WRAP73: variants seen among roughly 807,000 people sequenced by gnomAD.
WRAP73 encodes the protein WD repeat-containing protein WRAP73.
WRAP73 carries 55 observed loss-of-function variants against 59.6 expected under a neutral mutation model. The ratio of observed to expected loss-of-function variants is 0.92; its 90% CI spans 0.74 to 1.15. WRAP73 has a LOEUF of 1.15. WRAP73 is among the 50% of genes most tolerant of loss of function. The pLI is 0.00. For missense variants in WRAP73, 592 were observed against 608.1 expected, an observed-to-expected ratio of 0.97 and a Z score of 0.28; for synonymous variants, 265 against 258.2, an observed-to-expected ratio of 1.03 and a Z score of -0.25.
intron 9 of WRAP73, chr1:3,633,169 G>T: frequency 2.0e-6 from 1 of 497,476 alleles, no homozygotes. Context: ...TGTCAGATCC[G>T]GGTCTCCAGG....
intron 8 of WRAP73, 106 bp downstream of exon 8, chr1:3,634,891 G>A (rs1644574359): frequency 7.6e-7 from 1 of 1,315,890 alleles, no homozygotes; most frequent in South Asian, 1.2e-5. Context: ...TGATGGAAGT[G>A]CCCGGTTAAA....
rs1391676741 is a variant in WRAP73, at chr1:3,646,256, G to C, written c.339+410C>G. 6.6e-6 allele frequency among the ~76,000 whole-genome samples: 1 copy of C among 152,166 alleles called. No homozygotes were observed. The highest frequency in any genetic ancestry group is 1.9e-4 in the East Asian group (1 of 5,184). On this transcript the variant is annotated intron_variant, in intron 3 of 11. Transcript: ENST00000270708. This position sits in a 1 kb window ranked among gnomAD's most constrained non-coding sequence, Gnocchi z 5.1. ...GCTCGCAATCTGGATACGCCAAAGA[G>C]AAGCCACAAAGTGCTTCCTTTAAAT...
At chr1:3,635,477 G>A in intron 6 of WRAP73, 183 bp from the exon 7 acceptor site, 1 of 782,418 alleles carries the variant, frequency 1.3e-6, no homozygotes, top group Non-Finnish European at 2.0e-6. Context: ...GGCAGTGAGA[G>A]CATGAGGAAA....
Position 3,631,584 on chromosome 1 carries a change from G to C in WRAP73, c.1122C>G (p.Ser374=), listed in dbSNP as rs114719682. ...LRLFAVLEQL[S]PVRAFQWDPQ... The stretch of plus-strand genomic sequence containing the variant: ...GGTCCCACTGAAATGCGCGCACTGG[G>C]GACAGCTGCTCGAGCACCGCGAACA... The change falls in exon 11 of 12, where the codon TCC becomes TCG. Residue 374 remains serine (S), a synonymous_variant. Transcript: ENST00000270708. The C allele has an allele frequency of 1.2e-6, 2 of 1,609,400 alleles. No homozygotes were observed. Among genetic ancestry groups the C allele is most frequent in the Admixed American group, 3.3e-5 (2 of 60,008 alleles).
In WRAP73 at chr1:3,646,681, G is replaced by T; in HGVS notation, c.324C>A (p.Asn108Lys). The T allele has an allele frequency of 1.9e-6, 3 of 1,602,882 alleles. No individual in the cohort carries two copies. Among genetic ancestry groups the T allele is most frequent in the Non-Finnish European group, 2.6e-6 (3 of 1,172,136 alleles). ...CWSPDGRHILNTTEFHLRITV... is the reference protein window; with the variant it reads ...CWSPDGRHILKTTEFHLRITV... ...TGACACTTACATGGAATTCCGTGGT[G>T]TTGAGAATGTGGCGCCCGTCCGGGC... Residue 108 changes from asparagine to lysine, a missense_variant, in exon 3 of 12, where the codon AAC becomes AAA. Asn to Lys is a moderately conservative substitution (Grantham distance 94). Transcript: ENST00000270708. The surrounding 1 kb of genome is among the most constrained non-coding windows in gnomAD (Gnocchi z 5.1).
chr1:3,648,040 G>T (rs1644707407), intron 1 of WRAP73, among the ~76,000 whole-genome samples: 1 of 152,226 alleles, frequency 6.6e-6, no homozygotes, highest in African/African-American at 2.4e-5. Flanking sequence ...TTCTTATGCA[G>T]TGCCGAACTC....
At position 3,630,884 on chromosome 1, in the gene WRAP73, CCA is replaced by C. The variant is rs1417992463; in HGVS notation, c.*89_*90del. The C allele has an allele frequency of 6.6e-7, 1 of 1,509,344 alleles. No individual in the cohort carries two copies. The highest frequency in any genetic ancestry group is 1.3e-5 in the South Asian group (1 of 77,726). The allele number at this position is 1,509,344 out of a possible 1,614,324, so 93.5% of individuals were successfully genotyped here. A position where few individuals can be genotyped will look rare whatever the true frequency, so the allele number is the denominator to read the frequency against. ...AGAATCAATCACTGAATCCAGACCA[CCA>C]CAGTGGAGAACCTCCTGGTGAAGCT... On this transcript the variant is annotated 3_prime_UTR_variant, in exon 12 of 12. Transcript: ENST00000270708.
At position 3,650,055 on chromosome 1, in the gene WRAP73, G is replaced by T. The variant is rs1436077478; in HGVS notation, c.-56C>A. The T allele has an allele frequency of 2.7e-6, 4 of 1,490,510 alleles. No individual in the cohort carries two copies. Among genetic ancestry groups the T allele is most frequent in the East Asian group, 5.3e-5 (2 of 37,874 alleles). The allele number at this position is 1,490,510 out of a possible 1,614,324, so 92.3% of individuals were successfully genotyped here. On this transcript the variant is annotated 5_prime_UTR_variant, in exon 1 of 12. Transcript: ENST00000270708. ...GCCCGAAAACCCGCGGGACCCCTGG[G>T]CGCGCAGCAGGCTGCAACAGCCGAC...
intron 5 of WRAP73, chr1:3,636,561 C>T (rs567173981): frequency 3.5e-5 from 12 of 342,594 alleles, no homozygotes; most frequent in Non-Finnish European, 6.3e-5. Flanking sequence ...CCAGAGGTTG[C>T]TCTACCTTAA....
intron 2 of WRAP73, 75 bp downstream of exon 2, chr1:3,647,333 G>A: frequency 7.1e-7 from 1 of 1,410,370 alleles, no homozygotes; most frequent in Non-Finnish European, 9.3e-7. Context: ...AAACTAGAAA[G>A]GCACAGAACA....
chr1:3,633,124 G>A (rs1325005472), intron 9 of WRAP73: 4 of 404,564 alleles, frequency 9.9e-6, no homozygotes, highest in East Asian at 5.4e-5. Flanking sequence ...CATCATTCTC[G>A]GAGCTCCGGA....
intron 3 of WRAP73, among the ~76,000 whole-genome samples, chr1:3,644,761 A>G (rs1644673931): frequency 6.6e-6 from 1 of 152,246 alleles, no homozygotes; most frequent in Admixed American, 6.5e-5. Flanking sequence ...GGTGTTTTCA[A>G]TATTGGTGTG....
At chr1:3,635,320 A>G (rs754308883) in intron 6 of WRAP73, 26 bp from the exon 7 acceptor site, 2 of 1,613,114 alleles carry the variant, frequency 1.2e-6, no homozygotes, top group South Asian at 2.2e-5. Context: ...TTCAGTTAAT[A>G]ATGAATACAC....
At chr1:3,638,692 G>T in intron 4 of WRAP73, 58 bp downstream of exon 4, 1 of 1,599,140 alleles carries the variant, frequency 6.3e-7, no homozygotes, top group Non-Finnish European at 8.6e-7. Flanking sequence ...AACTTCCCGT[G>T]ACAAAAAAGT....
intron 3 of WRAP73, among the ~76,000 whole-genome samples, chr1:3,641,665 G>A (rs966122713): frequency 3.9e-5 from 6 of 152,330 alleles, no homozygotes; most frequent in East Asian, 1.9e-4. Flanking sequence ...TGATTGTGGC[G>A]GCAATGACGT....
chr1:3,643,030 G>T (rs1644661457), intron 3 of WRAP73, among the ~76,000 whole-genome samples: 2 of 152,194 alleles, frequency 1.3e-5, no homozygotes, highest in African/African-American at 4.8e-5. Flanking sequence ...TCCTAGAGAG[G>T]CTCTCCGGGT....
intron 3 of WRAP73, among the ~76,000 whole-genome samples, chr1:3,642,747 A>AC (rs1644658164): frequency 6.6e-6 from 1 of 151,708 alleles, no homozygotes; most frequent in African/African-American, 2.4e-5. Flanking sequence ...CAAAAAAAAA[A>AC]AAAAAAAAAT....
Position 3,633,107 on chromosome 1 carries a change from TGAAAAACATCATTCTCGGAGCTCCG to T in WRAP73, c.922+266_922+290del, listed in dbSNP as rs372275188. The T allele has an allele frequency of 4.6e-3, 1,738 of 376,758 alleles. 19 individuals are homozygous for T. Among genetic ancestry groups the T allele is most frequent in the African/African-American group, 0.027 (1,275 of 46,892 alleles). 23.3% of individuals were successfully genotyped at this position (376,758 alleles called of 1,614,324 possible). A position where few individuals can be genotyped will look rare whatever the true frequency, so the allele number is the denominator to read the frequency against. On this transcript the variant is annotated intron_variant, in intron 9 of 11. Transcript: ENST00000270708. ...CGCCACCCACGGAAAAGTGTTTCTT[TGAAAAACATCATTCTCGGAGCTCCG>T]GAAAAACATCCCCTCGGAGCTCCCG...
intron 3 of WRAP73, among the ~76,000 whole-genome samples, chr1:3,645,309 G>A (rs1235506450): frequency 6.6e-6 from 1 of 152,114 alleles, no homozygotes; most frequent in Admixed American, 6.5e-5. Flanking sequence ...TGTGCGCGGC[G>A]CAGCGGGACG....
Sources: gnomAD v4.1 joint callset for allele counts (sites outside exome capture counted in the v4.1 genomes callset) on GRCh38, gnomAD v4.1.1 for gene constraint, Gnocchi (gnomAD v3.1) non-coding constraint, MANE v1.5 for transcripts, NCBI Gene and HGNC (gene_info 2026-07-23, HGNC 2026-07-21) for gene names.